Variants in ZDHHC14 observed in about 807,000 individuals in gnomAD.
ZDHHC14 encodes the protein palmitoyltransferase ZDHHC14.
A neutral mutation model predicts 47.7 loss-of-function variants in ZDHHC14; 16 were observed. That is an observed-to-expected ratio of 0.34 (90% CI 0.23 to 0.51). The LOEUF (loss-of-function observed/expected upper bound fraction) is 0.51. Among genes scored for constraint, ZDHHC14 ranks in the 20% least tolerant of loss-of-function variants. ZDHHC14 has a pLI of 0.97. For synonymous variants in ZDHHC14, 293 were observed against 278.9 expected, an observed-to-expected ratio of 1.05 and a Z score of -0.50; for missense variants, 515 against 662.5, an observed-to-expected ratio of 0.78 and a Z score of 2.44.
intron 7 of ZDHHC14, among the ~76,000 whole-genome samples, chr6:157,647,824 T>C (rs563745205): frequency 6.6e-6 from 1 of 152,358 alleles, no homozygotes; most frequent in African/African-American, 2.4e-5. Context: ...TCGTTGATAC[T>C]GTGGTCATGG....
chr6:157,401,061 G>C (rs1777626342), intron 1 of ZDHHC14, among the ~76,000 whole-genome samples: 2 of 152,150 alleles, frequency 1.3e-5, no homozygotes, highest in South Asian at 4.1e-4. Context: ...GTTAAACCTA[G>C]GTGCATCCAT....
chr6:157,634,762 G>A (rs1562520457), intron 5 of ZDHHC14, among the ~76,000 whole-genome samples: 1 of 152,250 alleles, frequency 6.6e-6, no homozygotes, highest in Non-Finnish European at 1.5e-5. Flanking sequence ...TGCGTGTGCA[G>A]GAGGCCTGGT....
At chr6:157,404,186 G>T in intron 1 of ZDHHC14, among the ~76,000 whole-genome samples, 1 of 152,172 alleles carries the variant, frequency 6.6e-6, no homozygotes, top group Non-Finnish European at 1.5e-5. Flanking sequence ...ACCCAGGCTG[G>T]AGTGCAGTGG....
intron 4 of ZDHHC14, chr6:157,628,742 G>A (rs796489039): frequency 2.4e-5 from 11 of 467,182 alleles, no homozygotes; most frequent in African/African-American, 1.4e-4. Flanking sequence ...GCCAGGCTGC[G>A]CTTTCACCAA....
chr6:157,484,919 G>A (rs1171896496), intron 1 of ZDHHC14, among the ~76,000 whole-genome samples: 1 of 152,064 alleles, frequency 6.6e-6, no homozygotes, highest in Non-Finnish European at 1.5e-5. Context: ...CCAACATGGT[G>A]AAACCCCATC....
intron 1 of ZDHHC14, among the ~76,000 whole-genome samples, chr6:157,413,652 G>A (rs1345053673): frequency 1.3e-5 from 2 of 151,070 alleles, no homozygotes; most frequent in Non-Finnish European, 2.9e-5. Flanking sequence ...TTAGTGGGCT[G>A]GATGTGTGGG....
rs371086804 is a variant in ZDHHC14, at chr6:157,621,832, G to T, written c.566-6517G>T. Among the ~76,000 whole-genome samples, 170 of 152,154 alleles carry T rather than the reference G, an allele frequency of 1.1e-3. 2 individuals carry two copies. The highest frequency in any genetic ancestry group is 3.9e-3 in the African/African-American group (163 of 41,500). On this transcript the variant is annotated intron_variant, in intron 3 of 8. Transcript: ENST00000359775. ...CCCTGTCCTATTGTAATAATTCTCTGCTTCTCCATATTTTTAAGGCCCCTT... is the reference window on the plus strand; with the variant it reads ...CCCTGTCCTATTGTAATAATTCTCTTCTTCTCCATATTTTTAAGGCCCCTT...
intron 2 of ZDHHC14, among the ~76,000 whole-genome samples, chr6:157,591,510 T>TCC (rs1180111096): frequency 1.5e-4 from 23 of 152,194 alleles, no homozygotes; most frequent in African/African-American, 5.3e-4. Context: ...TGCTTCCCTT[T>TCC]CTGTCATGAT....
At chr6:157,657,087 C>T (rs9458065) in intron 8 of ZDHHC14, among the ~76,000 whole-genome samples, 52,364 of 151,632 alleles carry the variant, frequency 0.35, 9,243 homozygotes, top group Non-Finnish European at 0.39. Context: ...CTCACTCTGT[C>T]GCCCAGGCTG....
intron 1 of ZDHHC14, among the ~76,000 whole-genome samples, chr6:157,510,170 G>A (rs1000884704): frequency 1.3e-5 from 2 of 152,202 alleles, no homozygotes; most frequent in African/African-American, 4.8e-5. Context: ...CTTGAACCCG[G>A]AGGCTGGAAG....
intron 1 of ZDHHC14, among the ~76,000 whole-genome samples, chr6:157,420,153 G>A (rs1362526668): frequency 6.6e-6 from 1 of 151,850 alleles, no homozygotes; most frequent in Non-Finnish European, 1.5e-5. Flanking sequence ...GCACTGATGA[G>A]AGAGAAGGTA....
intron 1 of ZDHHC14, among the ~76,000 whole-genome samples, chr6:157,466,139 G>T (rs1779210980): frequency 6.6e-6 from 1 of 152,206 alleles, no homozygotes; most frequent in Admixed American, 6.5e-5. Context: ...CTGATCCTCA[G>T]CTGCCTCTCT....
intron 1 of ZDHHC14, among the ~76,000 whole-genome samples, chr6:157,514,115 T>A (rs1780593079): frequency 6.6e-6 from 1 of 152,188 alleles, no homozygotes; most frequent in African/African-American, 2.4e-5. Context: ...TTGAGTTTCA[T>A]TAGCAAGCAT....
chr6:157,516,848 G>C (rs1382358789), intron 1 of ZDHHC14, among the ~76,000 whole-genome samples: 5 of 152,330 alleles, frequency 3.3e-5, no homozygotes, highest in South Asian at 2.1e-4. Flanking sequence ...AGGTGCAACT[G>C]TCATCTTCCA....
chr6:157,483,484 G>A (rs541075015), intron 1 of ZDHHC14, among the ~76,000 whole-genome samples: 4 of 152,170 alleles, frequency 2.6e-5, no homozygotes, highest in Non-Finnish European at 5.9e-5. Flanking sequence ...AACTGGTGAT[G>A]TGCTTTCTTT....
chr6:157,396,139 G>A (rs1281850070), intron 1 of ZDHHC14, among the ~76,000 whole-genome samples: 1 of 151,962 alleles, frequency 6.6e-6, no homozygotes, highest in South Asian at 2.1e-4. Flanking sequence ...CATGTACCAG[G>A]ATGTTCACCC....
intron 1 of ZDHHC14, among the ~76,000 whole-genome samples, chr6:157,448,124 C>T (rs776357520): frequency 1.4e-4 from 21 of 152,180 alleles, no homozygotes; most frequent in Non-Finnish European, 7.3e-5. Context: ...AGTGATCCTC[C>T]CACCCCAGCC....
chr6:157,608,114 T>C (rs1215351426), intron 3 of ZDHHC14, among the ~76,000 whole-genome samples: 1 of 152,204 alleles, frequency 6.6e-6, no homozygotes, highest in East Asian at 1.9e-4. Flanking sequence ...CCACCTTTGC[T>C]CATGCTGACA....
intron 1 of ZDHHC14, among the ~76,000 whole-genome samples, chr6:157,464,420 C>A (rs1779161006): frequency 6.6e-6 from 1 of 152,166 alleles, no homozygotes; most frequent in Admixed American, 6.5e-5. Context: ...TTCATTCAGA[C>A]CAGGACTTAT....
Sources: gnomAD v4.1 joint callset for allele counts (sites outside exome capture counted in the v4.1 genomes callset) on GRCh38, gnomAD v4.1.1 for gene constraint, MANE v1.5 for transcripts, NCBI Gene and HGNC (gene_info 2026-07-23, HGNC 2026-07-21) for gene names.